Variants in RAI1 observed in about 807,000 individuals in gnomAD.
The protein encoded by RAI1 is retinoic acid induced 1, also known as retinoic acid-induced protein 1.
RAI1 carries 9 observed loss-of-function variants against 123.8 expected under a neutral mutation model. The observed-to-expected ratio is 0.07, with a 90% confidence interval of 0.04 to 0.13. The LOEUF (loss-of-function observed/expected upper bound fraction) is 0.13. Ranked by LOEUF, RAI1 falls within the 10% of genes least tolerant of loss-of-function variation. The pLI, the probability that RAI1 is intolerant of heterozygous loss-of-function variation, is 1.00. For missense variants in RAI1, 2,256 were observed against 2,545.8 expected (o/e 0.89, Z 2.45); for synonymous variants, 1,231 against 1,127.3 (o/e 1.09, Z -1.84).
At chr17:17,760,440 C>T (rs1175214947) in intron 2 of RAI1, among the ~76,000 whole-genome samples, 1 of 152,142 alleles carries the variant, frequency 6.6e-6, no homozygotes, top group African/African-American at 2.4e-5. Context: ...AGAAGTTTGG[C>T]TCAGCCCAGT....
chr17:17,688,878 G>A (rs1014763844), intron 1 of RAI1, among the ~76,000 whole-genome samples: 2 of 152,012 alleles, frequency 1.3e-5, no homozygotes, highest in African/African-American at 2.4e-5. Flanking sequence ...GATTACAGGC[G>A]TGAGTCACTG....
At chr17:17,721,727 C>T (rs2142924301) in intron 1 of RAI1, among the ~76,000 whole-genome samples, 1 of 152,362 alleles carries the variant, frequency 6.6e-6, no homozygotes, top group Admixed American at 6.5e-5. Flanking sequence ...TCCTGGTTCA[C>T]TCAGCAGCCT....
intron 2 of RAI1, among the ~76,000 whole-genome samples, chr17:17,773,226 A>G (rs2031226473): frequency 6.6e-6 from 1 of 152,274 alleles, no homozygotes; most frequent in South Asian, 2.1e-4. Context: ...CATGGGCCCC[A>G]ATTTCTCTGT....
chr17:17,782,682 G>T (rs1320456856), intron 2 of RAI1, among the ~76,000 whole-genome samples: 1 of 150,864 alleles, frequency 6.6e-6, no homozygotes, highest in Non-Finnish European at 1.5e-5. Flanking sequence ...GGATAGGGAG[G>T]GAGGGGGAAG....
chr17:17,701,857 A>G (rs1915234654), intron 1 of RAI1, among the ~76,000 whole-genome samples: 1 of 152,108 alleles, frequency 6.6e-6, no homozygotes, highest in Non-Finnish European at 1.5e-5. Flanking sequence ...CTGGGAGGCC[A>G]CCCAGCCCTG....
At chr17:17,712,894 G>C (rs939771519) in intron 1 of RAI1, among the ~76,000 whole-genome samples, 9 of 152,088 alleles carry the variant, frequency 5.9e-5, no homozygotes, top group Non-Finnish European at 1.3e-4. Flanking sequence ...GATGCAAAAG[G>C]CTGCAGATCA....
intron 2 of RAI1, among the ~76,000 whole-genome samples, chr17:17,758,095 C>A (rs2030520591): frequency 6.6e-6 from 1 of 152,228 alleles, no homozygotes; most frequent in Non-Finnish European, 1.5e-5. Context: ...CTGAAACCTT[C>A]ATCTATTATT....
intron 1 of RAI1, among the ~76,000 whole-genome samples, chr17:17,689,517 A>G (rs1345560778): frequency 6.6e-6 from 1 of 152,226 alleles, no homozygotes; most frequent in African/African-American, 2.4e-5. Flanking sequence ...TAGTGGCAGT[A>G]TAACCACAAA....
chr17:17,729,681 G>C (rs1416808932), intron 2 of RAI1, among the ~76,000 whole-genome samples: 2 of 152,272 alleles, frequency 1.3e-5, no homozygotes, highest in African/African-American at 4.8e-5. Flanking sequence ...AACGCACACA[G>C]AGGCCCATTT....
In RAI1 at chr17:17,797,834, C is replaced by T. The variant is rs894282977; in HGVS notation, c.4886C>T (p.Ser1629Phe). 3 of 1,613,916 alleles carry T rather than the reference C, an allele frequency of 1.9e-6. No individual in the cohort carries two copies. Among genetic ancestry groups the T allele is most frequent in the Non-Finnish European group, 2.5e-6 (3 of 1,180,032 alleles). Residue 1629 changes from serine to phenylalanine, a missense_variant, in exon 3 of 6, where the codon TCC becomes TTC. Transcript: ENST00000353383. ...CCCAAGCCCCACAGGAAGCCTTCCT[C>T]CTCTGCCTCCTCTTCCTCATCCTCG... ...DAPKPHRKPS[S>F]SASSSSSSSS...
chr17:17,702,094 G>A (rs141853879), intron 1 of RAI1, among the ~76,000 whole-genome samples: 1 of 152,354 alleles, frequency 6.6e-6, no homozygotes, highest in African/African-American at 2.4e-5. Context: ...GAGCTAATTG[G>A]CAGGAATAGC....
At chr17:17,723,482 C>A (rs980342369) in intron 1 of RAI1, among the ~76,000 whole-genome samples, 4 of 151,854 alleles carry the variant, frequency 2.6e-5, no homozygotes, top group African/African-American at 9.7e-5. Context: ...AAAGCGTTCC[C>A]TCCCTCCCCT....
At chr17:17,683,402 G>C (rs1230132356) in intron 1 of RAI1, 1 of 152,212 alleles carries the variant, frequency 6.6e-6, no homozygotes, top group African/African-American at 2.4e-5. Flanking sequence ...CCAGGTGGGG[G>C]GCAGCCCTCG....
At chr17:17,711,654 G>T (rs769656116) in intron 1 of RAI1, among the ~76,000 whole-genome samples, 1 of 152,216 alleles carries the variant, frequency 6.6e-6, no homozygotes, top group Non-Finnish European at 1.5e-5. Context: ...GAAGTTTCAC[G>T]TAAAGGAACA....
intron 2 of RAI1, among the ~76,000 whole-genome samples, chr17:17,762,128 C>A (rs955356689): frequency 1.3e-5 from 2 of 152,076 alleles, no homozygotes; most frequent in Non-Finnish European, 2.9e-5. Flanking sequence ...TCTGCCCTCA[C>A]GGAGCTTACC....
chr17:17,715,230 T>C (rs565894588), intron 1 of RAI1, among the ~76,000 whole-genome samples: 40 of 152,360 alleles, frequency 2.6e-4, no homozygotes, highest in African/African-American at 8.9e-4. Context: ...TCTGCCTGTT[T>C]CCTCTGCACT....
At chr17:17,710,108 G>A (rs1019563321) in intron 1 of RAI1, among the ~76,000 whole-genome samples, 5 of 152,164 alleles carry the variant, frequency 3.3e-5, no homozygotes, top group African/African-American at 4.8e-5. Flanking sequence ...TGAAGACCTC[G>A]AGCACACACA....
At chr17:17,768,561 C>T (rs938968799) in intron 2 of RAI1, among the ~76,000 whole-genome samples, 2 of 152,204 alleles carry the variant, frequency 1.3e-5, no homozygotes, top group Admixed American at 1.3e-4. Context: ...GACATAGGGC[C>T]AGGCAGTGCT....
chr17:17,715,339 C>G (rs1001259214), intron 1 of RAI1, among the ~76,000 whole-genome samples: 1 of 152,234 alleles, frequency 6.6e-6, no homozygotes, highest in Non-Finnish European at 1.5e-5. Context: ...TGGGCTCCAC[C>G]CAGGCCCATG....
Sources: allele counts gnomAD v4.1 joint callset (sites outside exome capture counted in the v4.1 genomes callset), GRCh38; gene constraint gnomAD v4.1.1; transcripts MANE v1.5; gene names NCBI Gene and HGNC (gene_info 2026-07-23, HGNC 2026-07-21).